The following SMYD3 variants were observed in gnomAD, a reference collection of about 807,000 sequenced individuals.
SMYD3 encodes the protein SET and MYND domain containing 3.
SMYD3 carries 36 observed loss-of-function variants against 57.7 expected under a neutral mutation model. That is an observed-to-expected ratio of 0.62 (90% CI 0.48 to 0.82). The LOEUF is 0.82. Ranked by LOEUF, SMYD3 falls within the 40% of genes least tolerant of loss-of-function variation. The pLI, the probability that SMYD3 is intolerant of heterozygous loss-of-function variation, is 0.00. For synonymous variants in SMYD3, 211 were observed against 195.0 expected (o/e 1.08, Z -0.68); for missense variants, 515 against 538.8 (o/e 0.96, Z 0.44).
At chr1:245,953,433 GTTTTT>G (rs2057727966) in intron 5 of SMYD3, 1 of 839,120 alleles carries the variant, frequency 1.2e-6, no homozygotes, top group Non-Finnish European at 1.5e-6. Flanking sequence ...GTTTTGTTTT[GTTTTT>G]GAGACAGAGT....
chr1:246,127,986 A>G (rs2061533909), intron 5 of SMYD3, among the ~76,000 whole-genome samples: 1 of 152,222 alleles, frequency 6.6e-6, no homozygotes, highest in Non-Finnish European at 1.5e-5. Flanking sequence ...TATAATTTCC[A>G]GTATTACTAT....
rs189523422 is a variant in SMYD3 at position 245,830,828 on chromosome 1, G to T, written c.1076+27668C>A. On this transcript the variant is annotated intron_variant, in intron 10 of 11. Coordinates refer to ENST00000490107, the MANE Select transcript of SMYD3 (RefSeq NM_001167740.2). ...CCTATCTCTAAACCAGAAGAGACAG[G>T]TATTTCTTTCTTCTTCCTCTCCTCA... Among the ~76,000 whole-genome samples the T allele has an allele frequency of 1.1e-3, 164 of 152,192 alleles. No homozygotes were observed. In the Middle Eastern group the frequency reaches 0.02, roughly 19 times the overall value.
intron 10 of SMYD3, among the ~76,000 whole-genome samples, chr1:245,813,671 T>A (rs1350894774): frequency 6.6e-6 from 1 of 152,216 alleles, no homozygotes; most frequent in Non-Finnish European, 1.5e-5. Context: ...AAGGGTTTAC[T>A]GTGATTTCAC....
At chr1:245,762,189 G>A (rs978687854) in intron 11 of SMYD3, among the ~76,000 whole-genome samples, 22 of 152,192 alleles carry the variant, frequency 1.4e-4, no homozygotes. Flanking sequence ...GCTCTTGCAT[G>A]TCTCCAAACC....
chr1:246,346,417 C>T (rs2065719829), intron 2 of SMYD3, among the ~76,000 whole-genome samples: 1 of 152,154 alleles, frequency 6.6e-6, no homozygotes. Flanking sequence ...AACTATAAGA[C>T]ATACTGTATT....
At chr1:246,384,570 TATTCTTAGTAGAGAC>T (rs2066441708) in intron 1 of SMYD3, among the ~76,000 whole-genome samples, 1 of 152,082 alleles carries the variant, frequency 6.6e-6, no homozygotes, top group Non-Finnish European at 1.5e-5. Flanking sequence ...TAATTTTTTG[TATTCTTAGTAGAGAC>T]AAGGTTTCAC....
intron 11 of SMYD3, among the ~76,000 whole-genome samples, chr1:245,754,966 G>T (rs2045546997): frequency 6.6e-6 from 1 of 152,234 alleles, no homozygotes; most frequent in South Asian, 2.1e-4. Flanking sequence ...TACAGATGTG[G>T]TGAGCTCAGG....
At chr1:245,994,548 G>A (rs529914969) in intron 5 of SMYD3, among the ~76,000 whole-genome samples, 2 of 152,204 alleles carry the variant, frequency 1.3e-5, no homozygotes, top group African/African-American at 4.8e-5. Context: ...TCAAGGAGCT[G>A]GGGACTCCAA....
At chr1:246,155,795 T>C (rs1355371693) in intron 5 of SMYD3, among the ~76,000 whole-genome samples, 3 of 151,822 alleles carry the variant, frequency 2.0e-5, no homozygotes, top group African/African-American at 7.3e-5. Context: ...GCCTGGCCAA[T>C]ATGGGAAAAT....
chr1:245,958,162 A>G (rs1048859437), intron 5 of SMYD3, among the ~76,000 whole-genome samples: 8 of 152,188 alleles, frequency 5.3e-5, no homozygotes, highest in Non-Finnish European at 1.2e-4. Context: ...GAGGCTTCTA[A>G]GGCTCAAAGA....
intron 5 of SMYD3, among the ~76,000 whole-genome samples, chr1:246,223,852 G>A (rs779195897): frequency 6.6e-6 from 1 of 152,058 alleles, no homozygotes; most frequent in Non-Finnish European, 1.5e-5. Flanking sequence ...ACAATATGCT[G>A]GAATTGCTAA....
intron 5 of SMYD3, among the ~76,000 whole-genome samples, chr1:246,267,650 G>T (rs1307077245): frequency 2.0e-5 from 3 of 151,992 alleles, no homozygotes. Context: ...ATTCTTTAAG[G>T]GTCAGACATT....
At chr1:246,120,929 A>C (rs1156294620) in intron 5 of SMYD3, among the ~76,000 whole-genome samples, 2 of 152,104 alleles carry the variant, frequency 1.3e-5, no homozygotes, top group Non-Finnish European at 2.9e-5. Flanking sequence ...CTCAATCAGT[A>C]TTTTCTCAGT....
At chr1:246,292,345 T>A (rs1276538816) in intron 5 of SMYD3, among the ~76,000 whole-genome samples, 1 of 151,750 alleles carries the variant, frequency 6.6e-6, no homozygotes, top group African/African-American at 2.4e-5. Context: ...CACCAGTACA[T>A]TAGACTTACT....
intron 5 of SMYD3, among the ~76,000 whole-genome samples, chr1:246,204,457 T>TTC (rs2148373070): frequency 6.6e-6 from 1 of 152,328 alleles, no homozygotes; most frequent in East Asian, 1.9e-4. Flanking sequence ...CAGCATAGAA[T>TTC]GTGGGCTCAG....
Position 246,102,078 on chromosome 1 carries a change from C to G in SMYD3, c.532-172141G>C, listed in dbSNP as rs148324031. Among the ~76,000 whole-genome samples, 670 of 152,292 alleles carry G rather than the reference C, an allele frequency of 4.4e-3. 10 individuals carry two copies. Among genetic ancestry groups the G allele is most frequent in the African/African-American group, 0.015 (632 of 41,552 alleles). Reference sequence around the variant, plus strand: ...TAACTGCCTGCTAAAGATCTCCAGGCACCTCATATGGTTTCTGGAGCTGAA... The same window carrying G: ...TAACTGCCTGCTAAAGATCTCCAGGGACCTCATATGGTTTCTGGAGCTGAA... On this transcript the variant is annotated intron_variant, in intron 5 of 11. Coordinates refer to ENST00000490107, the MANE Select transcript of SMYD3 (RefSeq NM_001167740.2).
rs563044442 is a variant in SMYD3, at chr1:245,880,039, T to A, written c.814-16153A>T. ...CTGTACACACCAGAGATAGCACAGG[T>A]GCGTTGCTGTACACGCCAGAGATAG... On this transcript the variant is annotated intron_variant, in intron 8 of 11. Transcript: ENST00000490107. Among the ~76,000 whole-genome samples the A allele has an allele frequency of 2.3e-3, 347 of 151,560 alleles. 4 individuals are homozygous for A. The highest frequency in any genetic ancestry group is 7.8e-3 in the African/African-American group (322 of 41,198).
chr1:245,930,811 A>C (rs899269442), intron 5 of SMYD3: 12 of 152,232 alleles, frequency 7.9e-5, no homozygotes, highest in African/African-American at 2.9e-4. Context: ...GAAAACTGTC[A>C]CATGTAGATA....
intron 1 of SMYD3, 56 bp downstream of exon 1, chr1:246,506,992 CCCCCCT>C: frequency 4.7e-6 from 4 of 859,472 alleles, no homozygotes; most frequent in South Asian, 2.0e-5. Context: ...GCCCGACGCC[CCCCCCT>C]CCCCAGCACC....
Sources: allele counts gnomAD v4.1 joint callset (sites outside exome capture counted in the v4.1 genomes callset), GRCh38; gene constraint gnomAD v4.1.1; transcripts MANE v1.5; gene names NCBI Gene and HGNC (gene_info 2026-07-23, HGNC 2026-07-21).